Variants in KTN1 observed in about 807,000 individuals in gnomAD.
The protein encoded by KTN1 is kinectin.
Under a neutral mutation model 222.5 loss-of-function variants are expected in KTN1, and 130 were observed. The observed-to-expected ratio is 0.58, with a 90% CI of 0.51 to 0.68. The LOEUF (loss-of-function observed/expected upper bound fraction) is 0.68. Ranked by LOEUF, KTN1 falls within the 30% of genes least tolerant of loss-of-function variation. KTN1 has a pLI of 0.00. For missense variants in KTN1, 1,508 were observed against 1,500.4 expected (o/e 1.01, Z -0.08); for synonymous variants, 512 against 496.3 (o/e 1.03, Z -0.42).
intron 9 of KTN1, among the ~76,000 whole-genome samples, chr14:55,635,298 A>G (rs565868125): frequency 2.0e-5 from 3 of 152,334 alleles, no homozygotes; most frequent in Non-Finnish European, 2.9e-5. Flanking sequence ...GTAGAATTTT[A>G]TCATATATAT....
chr14:55,594,208 G>GT (rs146612366), intron 1 of KTN1, among the ~76,000 whole-genome samples: 1 of 152,004 alleles, frequency 6.6e-6, no homozygotes, highest in African/African-American at 2.4e-5. Context: ...AGGCTTACTT[G>GT]TTTTTTGAAT....
At chr14:55,664,679 A>T (rs1237172624) in intron 33 of KTN1, among the ~76,000 whole-genome samples, 1 of 152,164 alleles carries the variant, frequency 6.6e-6, no homozygotes, top group African/African-American at 2.4e-5. Context: ...TGTCTTCAGA[A>T]CAATGGAGGA....
At chr14:55,593,835 T>G (rs889319916) in intron 1 of KTN1, among the ~76,000 whole-genome samples, 1 of 152,076 alleles carries the variant, frequency 6.6e-6, no homozygotes, top group Non-Finnish European at 1.5e-5. Context: ...CCCCTCTCTT[T>G]TTTTACCTTT....
intron 1 of KTN1, 74 bp downstream of exon 1, chr14:55,580,428 G>A (rs2031085924): frequency 6.8e-6 from 1 of 146,392 alleles, no homozygotes; most frequent in African/African-American, 2.5e-5. Flanking sequence ...CCGGCCGCGG[G>A]GTCCTGGGGC....
At chr14:55,584,365 T>C (rs917193634) in intron 1 of KTN1, among the ~76,000 whole-genome samples, 21 of 152,298 alleles carry the variant, frequency 1.4e-4, no homozygotes, top group African/African-American at 5.1e-4. Flanking sequence ...TGATAGAAGT[T>C]GTGTAATAGT....
At chr14:55,621,680 CGTG>C (rs2039153422) in intron 5 of KTN1, among the ~76,000 whole-genome samples, 1 of 151,994 alleles carries the variant, frequency 6.6e-6, no homozygotes, top group Admixed American at 6.6e-5. Context: ...TCCCACGGCA[CGTG>C]GGAATTATAG....
intron 29 of KTN1, among the ~76,000 whole-genome samples, chr14:55,656,640 A>G (rs1230298185): frequency 6.6e-6 from 1 of 151,554 alleles, no homozygotes; most frequent in Non-Finnish European, 1.5e-5. Context: ...TAATTTTTGT[A>G]TTTTTTAGTA....
chr14:55,602,854 A>T (rs1257495654), intron 1 of KTN1, among the ~76,000 whole-genome samples: 1 of 152,144 alleles, frequency 6.6e-6, no homozygotes, highest in Non-Finnish European at 1.5e-5. Context: ...TGCTAGGATT[A>T]CAGGCATGAG....
At chr14:55,635,012 G>A (rs915848747) in intron 9 of KTN1, among the ~76,000 whole-genome samples, 8 of 152,138 alleles carry the variant, frequency 5.3e-5, no homozygotes, top group East Asian at 1.9e-4. Context: ...CCCTTGACAC[G>A]TGGAGATTAT....
At chr14:55,661,896 TTTG>T (rs1199523252) in intron 32 of KTN1, 1 of 208,716 alleles carries the variant, frequency 4.8e-6, no homozygotes, top group Admixed American at 5.8e-5. Flanking sequence ...CAATTGACTT[TTTG>T]TTGAACTTTT....
intron 32 of KTN1, chr14:55,663,653 A>G (rs1248124673): frequency 7.8e-6 from 2 of 255,220 alleles, no homozygotes; most frequent in Admixed American, 5.1e-5. Flanking sequence ...GAAATCATGT[A>G]TGTATTCTTG....
intron 18 of KTN1, among the ~76,000 whole-genome samples, chr14:55,643,229 T>C (rs1463327211): frequency 6.6e-6 from 1 of 152,184 alleles, no homozygotes; most frequent in Non-Finnish European, 1.5e-5. Context: ...TTTTGTCTTA[T>C]TTCCTTTTCT....
intron 14 of KTN1, 102 bp from the exon 15 acceptor site, chr14:55,640,272 G>A (rs1254068906): frequency 1.9e-5 from 15 of 808,196 alleles, no homozygotes; most frequent in Non-Finnish European, 3.0e-5. Context: ...GGGAAATTTT[G>A]TAAGTTGAGA....
chr14:55,642,650 G>A (rs890334159), intron 18 of KTN1, among the ~76,000 whole-genome samples: 1 of 152,192 alleles, frequency 6.6e-6, no homozygotes, highest in Admixed American at 6.5e-5. Context: ...TTTAGCAAAT[G>A]CATGCGTTCT....
chr14:55,622,154 T>C (rs542943679), intron 5 of KTN1, among the ~76,000 whole-genome samples: 3 of 152,226 alleles, frequency 2.0e-5, no homozygotes, highest in Admixed American at 2.0e-4. Context: ...GCCAGATTTA[T>C]ATTACTTTTA....
rs1188212088 is a variant in KTN1, at chr14:55,671,606, C to G, written c.3389C>G (p.Thr1130Arg). ...HKLKEADEMH[T>R]LLQLECEKYK... ...TTGAAAGAAGCTGATGAAATGCACA[C>G]ATTGTTACAGCTAGAGTGTGAAAAA... Residue 1130 changes from threonine (T) to arginine (R), a missense_variant, in exon 36 of 44, where the codon ACA becomes AGA. Coordinates refer to ENST00000395314, the MANE Select transcript of KTN1 (RefSeq NM_001079521.2). The G allele has an allele frequency of 1.2e-6, 2 of 1,612,850 alleles. No individual in the cohort carries two copies. The highest frequency in any genetic ancestry group is 3.3e-5 in the Admixed American group (2 of 59,854).
At chr14:55,584,382 T>G (rs2032472814) in intron 1 of KTN1, among the ~76,000 whole-genome samples, 1 of 152,178 alleles carries the variant, frequency 6.6e-6, no homozygotes, top group Admixed American at 6.5e-5. Flanking sequence ...TAGTGTATGT[T>G]TGAGGGCAAG....
At chr14:55,587,017 A>G (rs1436843152) in intron 1 of KTN1, among the ~76,000 whole-genome samples, 1 of 152,186 alleles carries the variant, frequency 6.6e-6, no homozygotes. Context: ...TCATTGCATT[A>G]TCAGTCACAA....
intron 11 of KTN1, 98 bp from the exon 12 acceptor site, chr14:55,637,679 AAG>A (rs1307957088): frequency 1.5e-5 from 13 of 850,556 alleles, no homozygotes; most frequent in East Asian, 7.5e-5. Flanking sequence ...AAAAAAAAAA[AAG>A]AAAAAGATAA....
Sources: allele counts gnomAD v4.1 joint callset (sites outside exome capture counted in the v4.1 genomes callset), GRCh38; gene constraint gnomAD v4.1.1; transcripts MANE v1.5; gene names NCBI Gene and HGNC (gene_info 2026-07-23, HGNC 2026-07-21).